The following RIMBP2 variants were observed in gnomAD, a reference collection of about 807,000 sequenced individuals.
RIMBP2 encodes RIMS-binding protein 2.
RIMBP2 carries 48 observed loss-of-function variants against 118.6 expected under a neutral mutation model. The ratio of observed to expected loss-of-function variants is 0.40; its 90% CI spans 0.32 to 0.51. The LOEUF (loss-of-function observed/expected upper bound fraction) is 0.51, where lower values mean the gene tolerates loss of function less well. Among genes scored for constraint, RIMBP2 ranks in the 20% least tolerant of loss-of-function variants. The probability of loss-of-function intolerance (pLI) is 0.41; values close to 1 mark genes in which losing one functional copy is unlikely to be tolerated. For synonymous variants in RIMBP2, 762 were observed against 742.9 expected (o/e 1.03, Z -0.42); for missense variants, 1,551 against 1,768.3 (o/e 0.88, Z 2.20).
At chr12:130,675,528 C>A (rs1023125262) in intron 1 of RIMBP2, among the ~76,000 whole-genome samples, 1 of 152,048 alleles carries the variant, frequency 6.6e-6, no homozygotes, top group Non-Finnish European at 1.5e-5. Context: ...TGTCCCCACT[C>A]CCTTCCGTCC....
At chr12:130,631,384 G>A (rs1402652297) in intron 1 of RIMBP2, among the ~76,000 whole-genome samples, 1 of 152,152 alleles carries the variant, frequency 6.6e-6, no homozygotes, top group Non-Finnish European at 1.5e-5. Flanking sequence ...GGGAAACTAA[G>A]ATAACTAAAT....
Position 130,402,435 on chromosome 12 carries a change from G to A in RIMBP2, c.3766-2622C>T, listed in dbSNP as rs369611601. On this transcript the variant is annotated intron_variant, in intron 21 of 22. Transcript: ENST00000690449. ...GAGTCTGCCTTCCCCTGGTACTGACGTATTTCGGGCCATGTTTCCTGCCTG... is the reference window on the plus strand; with the variant it reads ...GAGTCTGCCTTCCCCTGGTACTGACATATTTCGGGCCATGTTTCCTGCCTG... Among the ~76,000 whole-genome samples the A allele has an allele frequency of 3.3e-5, 5 of 152,150 alleles. No individual in the cohort carries two copies. In the South Asian group the frequency reaches 1.0e-3, roughly 32 times the overall value.
rs545266361 is a variant in RIMBP2, at chr12:130,581,860, C to A, written c.-217+46462G>T. Among the ~76,000 whole-genome samples, 32 of 152,306 alleles carry A rather than the reference C, an allele frequency of 2.1e-4. No homozygotes were observed. Among genetic ancestry groups the A allele is most frequent in the Non-Finnish European group, 3.4e-4 (23 of 68,016 alleles). On this transcript the variant is annotated intron_variant, in intron 2 of 22. Coordinates refer to ENST00000690449, the MANE Select transcript of RIMBP2 (RefSeq NM_001393629.1). The surrounding 1 kb of genome is among the most constrained non-coding windows in gnomAD (Gnocchi z 4.4). ...AGCCACACACTATTATTTTGCATATCACCTTTTAATGACTTCCCATCTCAG... is the reference window on the plus strand; with the variant it reads ...AGCCACACACTATTATTTTGCATATAACCTTTTAATGACTTCCCATCTCAG...
At chr12:130,552,812 A>G (rs1455207682) in intron 2 of RIMBP2, among the ~76,000 whole-genome samples, 1 of 152,208 alleles carries the variant, frequency 6.6e-6, no homozygotes, top group East Asian at 1.9e-4. Flanking sequence ...GCTGATTAAG[A>G]GATACCCAGG....
chr12:130,452,658 A>C (rs1566064470), intron 7 of RIMBP2, among the ~76,000 whole-genome samples: 1 of 152,194 alleles, frequency 6.6e-6, no homozygotes, highest in Non-Finnish European at 1.5e-5. Flanking sequence ...GGCAGGCTCC[A>C]CTTGTGGGCA....
chr12:130,499,814 ACT>A (rs1377114956), intron 4 of RIMBP2, among the ~76,000 whole-genome samples: 1 of 152,000 alleles, frequency 6.6e-6, no homozygotes, highest in African/African-American at 2.4e-5. Context: ...TAATTTATCA[ACT>A]CTCTACCAGA....
At chr12:130,596,381 C>A (rs2059561407) in intron 2 of RIMBP2, among the ~76,000 whole-genome samples, 1 of 152,076 alleles carries the variant, frequency 6.6e-6, no homozygotes, top group Non-Finnish European at 1.5e-5. Flanking sequence ...GACCCACCCC[C>A]ACCTTCCCAT....
intron 2 of RIMBP2, among the ~76,000 whole-genome samples, chr12:130,590,658 T>G (rs2059199073): frequency 6.6e-6 from 1 of 152,200 alleles, no homozygotes; most frequent in African/African-American, 2.4e-5. Context: ...CCTGCATTTC[T>G]TCTGAACACA....
At chr12:130,459,680 C>T (rs1471922525) in intron 6 of RIMBP2, among the ~76,000 whole-genome samples, 1 of 152,094 alleles carries the variant, frequency 6.6e-6, no homozygotes, top group Non-Finnish European at 1.5e-5. Flanking sequence ...TGCGGGCTGC[C>T]TGCTTTTGTT....
intron 3 of RIMBP2, among the ~76,000 whole-genome samples, chr12:130,514,963 G>T (rs984793980): frequency 6.6e-6 from 1 of 151,962 alleles, no homozygotes; most frequent in Non-Finnish European, 1.5e-5. Flanking sequence ...TGCAAGCTCT[G>T]CCTCCCGGGT....
intron 4 of RIMBP2, among the ~76,000 whole-genome samples, chr12:130,497,704 C>T (rs1313711440): frequency 6.6e-6 from 1 of 152,170 alleles, no homozygotes; most frequent in African/African-American, 2.4e-5. Context: ...AGTAAAAAAG[C>T]CCAATGCGTT....
intron 1 of RIMBP2, among the ~76,000 whole-genome samples, chr12:130,682,197 C>T (rs568304141): frequency 6.6e-6 from 1 of 152,320 alleles, no homozygotes; most frequent in South Asian, 2.1e-4. Flanking sequence ...CAGACAGCCT[C>T]GTCCGCCCTC....
chr12:130,588,569 A>T (rs1044267290), intron 2 of RIMBP2, among the ~76,000 whole-genome samples: 1 of 152,218 alleles, frequency 6.6e-6, no homozygotes, highest in Non-Finnish European at 1.5e-5. Context: ...ACGCTGTTGG[A>T]GAGGTAGTGG....
Position 130,694,192 on chromosome 12 carries a change from C to T in RIMBP2, c.-352+22030G>A, listed in dbSNP as rs1315919174. ...CACCCCTGCCAAGAGGCTGCACAAA[C>T]CAGAACTCTCAAGCAAAACCCTCCT... On this transcript the variant is annotated intron_variant, in intron 1 of 22. Coordinates refer to ENST00000690449, the MANE Select transcript of RIMBP2 (RefSeq NM_001393629.1). 2.0e-5 allele frequency among the ~76,000 whole-genome samples: 3 copies of T among 152,316 alleles called. No individual in the cohort carries two copies. The East Asian group carries it at 5.8e-4, about 29-fold the overall frequency.
At chr12:130,466,872 T>C (rs1593408578) in intron 6 of RIMBP2, among the ~76,000 whole-genome samples, 1 of 152,202 alleles carries the variant, frequency 6.6e-6, no homozygotes, top group Non-Finnish European at 1.5e-5. Flanking sequence ...AAAATGCAGA[T>C]TCAATGAGCC....
chr12:130,615,146 TA>T (rs2060821668), intron 2 of RIMBP2, among the ~76,000 whole-genome samples: 1 of 147,226 alleles, frequency 6.8e-6, no homozygotes, highest in African/African-American at 2.5e-5. Flanking sequence ...ATTATGTATA[TA>T]CATATATATT....
At chr12:130,678,608 C>T (rs2064620280) in intron 1 of RIMBP2, among the ~76,000 whole-genome samples, 1 of 152,164 alleles carries the variant, frequency 6.6e-6, no homozygotes, top group African/African-American at 2.4e-5. Flanking sequence ...GCCTCCACCT[C>T]CCAGGTTCAA....
intron 1 of RIMBP2, among the ~76,000 whole-genome samples, chr12:130,662,462 C>T (rs1325200623): frequency 6.6e-6 from 1 of 152,072 alleles, no homozygotes. Flanking sequence ...TCGAGACCAT[C>T]CTGGCCAACA....
In RIMBP2 at chr12:130,422,481, C is replaced by T. The variant is rs1446887742; in HGVS notation, c.3210G>A (p.Arg1070=). 3 of 1,612,864 alleles carry T rather than the reference C, an allele frequency of 1.9e-6. No individual in the cohort carries two copies. The highest frequency in any genetic ancestry group is 2.5e-6 in the Non-Finnish European group (3 of 1,179,146). The change falls in exon 17 of 23, where the codon AGG becomes AGA. Residue 1070 remains arginine (R), a synonymous_variant. Transcript: ENST00000690449. The surrounding 1 kb of genome is among the most constrained non-coding windows in gnomAD (Gnocchi z 5.2). ...RFPRGSAGPQ[R]SRPVTVPSID... ...TGGATGGGACTGTCACGGGCCGGGA[C>T]CTCTGAGGACCAGCGCTGCCACGGG... is the stretch of plus-strand genomic sequence containing the variant.
Sources: gnomAD v4.1 joint callset for allele counts (sites outside exome capture counted in the v4.1 genomes callset) on GRCh38, gnomAD v4.1.1 for gene constraint, Gnocchi (gnomAD v3.1) non-coding constraint, MANE v1.5 for transcripts, NCBI Gene and HGNC (gene_info 2026-07-23, HGNC 2026-07-21) for gene names.